BAZ2B: variants seen among roughly 807,000 people sequenced by gnomAD.
BAZ2B encodes the protein bromodomain adjacent to zinc finger domain 2B, also known as bromodomain adjacent to zinc finger domain protein 2B.
A neutral mutation model predicts 246.0 loss-of-function variants in BAZ2B; 91 were observed. The ratio of observed to expected loss-of-function variants is 0.37; its 90% CI spans 0.31 to 0.44. BAZ2B has a LOEUF of 0.44. BAZ2B is among the 20% of genes least tolerant of loss of function. The pLI, the probability that BAZ2B is intolerant of heterozygous loss-of-function variation, is 1.00. For synonymous variants in BAZ2B, 855 were observed against 860.0 expected (o/e 0.99, Z 0.10); for missense variants, 2,332 against 2,533.7 (o/e 0.92, Z 1.71).
intron 1 of BAZ2B, among the ~76,000 whole-genome samples, chr2:159,591,751 C>T (rs1321483551): frequency 3.9e-5 from 6 of 152,116 alleles, no homozygotes; most frequent in Non-Finnish European, 8.8e-5. Flanking sequence ...CACCAAATGT[C>T]CAGATTCATT....
At chr2:159,318,949 T>G (rs1232947588), downstream of BAZ2B, 2 of 152,454 alleles carry the variant, frequency 1.3e-5, no homozygotes, top group East Asian at 3.8e-4. Flanking sequence ...AAAGAATATA[T>G]TTTCAGGTAC....
intron 1 of BAZ2B, among the ~76,000 whole-genome samples, chr2:159,604,545 G>A (rs150983684): frequency 7.1e-4 from 108 of 152,206 alleles, no homozygotes; most frequent in African/African-American, 2.4e-3. Flanking sequence ...AAGAAGCATA[G>A]TTTGAATACT....
At chr2:159,432,628 T>C (rs2071353014) in intron 9 of BAZ2B, 129 bp downstream of exon 9, 9 of 1,278,122 alleles carry the variant, frequency 7.0e-6, no homozygotes, top group East Asian at 2.4e-5. Context: ...GAGCTCATTA[T>C]AGAAATGCAC....
chr2:159,479,283 AG>A (rs1452393556), intron 2 of BAZ2B, among the ~76,000 whole-genome samples: 2 of 152,170 alleles, frequency 1.3e-5, no homozygotes, highest in African/African-American at 2.4e-5. Context: ...AAATGGCCTT[AG>A]TTGTGACCCA....
intron 34 of BAZ2B, among the ~76,000 whole-genome samples, chr2:159,329,824 C>T (rs1309179948): frequency 1.3e-5 from 2 of 152,108 alleles, no homozygotes; most frequent in Non-Finnish European, 2.9e-5. Context: ...TCTTATGTCT[C>T]CAAGTTTACT....
At chr2:159,640,838 C>T in the BAZ2B span, among the ~76,000 whole-genome samples, 1 of 146,826 alleles carries the variant, frequency 6.8e-6, no homozygotes, top group Non-Finnish European at 1.5e-5. Flanking sequence ...AAAAAAAAAA[C>T]TAGAAAAGCA....
chr2:159,426,769 C>G (rs2069990849), intron 13 of BAZ2B, among the ~76,000 whole-genome samples: 1 of 151,990 alleles, frequency 6.6e-6, no homozygotes. Context: ...TGTGTGTGAC[C>G]TTAAAAAATT....
chr2:159,521,763 A>G (rs952442269), intron 2 of BAZ2B, among the ~76,000 whole-genome samples: 1 of 152,066 alleles, frequency 6.6e-6, no homozygotes, highest in Non-Finnish European at 1.5e-5. Flanking sequence ...GTACCTTCAG[A>G]AAAAAGAAAT....
intron 2 of BAZ2B, among the ~76,000 whole-genome samples, chr2:159,533,417 G>C (rs1185589493): frequency 6.6e-6 from 1 of 152,140 alleles, no homozygotes; most frequent in African/African-American, 2.4e-5. Context: ...TATAGATCAA[G>C]TCACTCTGAG....
chr2:159,428,510 G>T, intron 11 of BAZ2B, 91 bp from the exon 12 acceptor site: 2 of 865,030 alleles, frequency 2.3e-6, no homozygotes, highest in Non-Finnish European at 1.7e-6. Context: ...ATGTTCTCTA[G>T]AAAACATAAA....
chr2:159,519,061 C>A (rs1011062929), intron 2 of BAZ2B, among the ~76,000 whole-genome samples: 1 of 151,988 alleles, frequency 6.6e-6, no homozygotes, highest in Non-Finnish European at 1.5e-5. Flanking sequence ...CAGTGCAAGC[C>A]AGAGTGATAA....
At chr2:159,407,665 C>T (rs1020577161) in intron 14 of BAZ2B, among the ~76,000 whole-genome samples, 14 of 152,010 alleles carry the variant, frequency 9.2e-5, no homozygotes, top group African/African-American at 1.9e-4. Flanking sequence ...TTAAAAAAGT[C>T]GAATTTCATC....
chr2:159,567,149 A>C (rs1354386006), intron 1 of BAZ2B, among the ~76,000 whole-genome samples: 1 of 152,120 alleles, frequency 6.6e-6, no homozygotes, highest in African/African-American at 2.4e-5. Flanking sequence ...AGGCTGACGC[A>C]GGAGAATCGC....
chr2:159,506,090 T>C (rs1423197889), intron 2 of BAZ2B, among the ~76,000 whole-genome samples: 1 of 152,042 alleles, frequency 6.6e-6, no homozygotes, highest in Non-Finnish European at 1.5e-5. Flanking sequence ...CCCAAAAATC[T>C]CTTACAAGGG....
chr2:159,467,665 A>G (rs1052009378), intron 3 of BAZ2B, among the ~76,000 whole-genome samples: 1 of 150,166 alleles, frequency 6.7e-6, no homozygotes, highest in Non-Finnish European at 1.5e-5. Flanking sequence ...TAAGTGATTT[A>G]TTTTGGGGTC....
chr2:159,415,417 C>G (rs1297334817), intron 13 of BAZ2B, among the ~76,000 whole-genome samples: 1 of 137,866 alleles, frequency 7.3e-6, no homozygotes, highest in African/African-American at 2.6e-5. Flanking sequence ...TGCACTCCAG[C>G]CTGGGCGACA....
chr2:159,436,656 C>T (rs1300745351), intron 8 of BAZ2B, among the ~76,000 whole-genome samples: 5 of 152,062 alleles, frequency 3.3e-5, no homozygotes, highest in Admixed American at 3.3e-4. Context: ...GAGGCTGAGG[C>T]GGGAGAATGG....
chr2:159,627,419 A>G, the BAZ2B span, among the ~76,000 whole-genome samples: 1 of 152,150 alleles, frequency 6.6e-6, no homozygotes, highest in Non-Finnish European at 1.5e-5. Flanking sequence ...AAAATTCTCA[A>G]TAAAAAACTG....
At chr2:159,423,864 G>C (rs928852963) in intron 13 of BAZ2B, among the ~76,000 whole-genome samples, 1 of 152,148 alleles carries the variant, frequency 6.6e-6, no homozygotes, top group Non-Finnish European at 1.5e-5. Flanking sequence ...CTACTTGAGC[G>C]GGGAAAGTGG....
Sources: allele counts gnomAD v4.1 joint callset (sites outside exome capture counted in the v4.1 genomes callset), GRCh38; gene constraint gnomAD v4.1.1; transcripts MANE v1.5; gene names NCBI Gene and HGNC (gene_info 2026-07-23, HGNC 2026-07-21).